The following SH3RF3 variants were observed in gnomAD, a reference collection of about 807,000 sequenced individuals.
SH3RF3 encodes SH3 domain containing ring finger 3, also known as E3 ubiquitin-protein ligase SH3RF3.
SH3RF3 carries 29 observed loss-of-function variants against 66.3 expected under a neutral mutation model. The ratio of observed to expected loss-of-function variants is 0.44; its 90% CI spans 0.33 to 0.60. The LOEUF (loss-of-function observed/expected upper bound fraction) is 0.60. SH3RF3 is among the 20% of genes least tolerant of loss of function. The pLI is 0.04. For synonymous variants in SH3RF3, 583 were observed against 532.0 expected, an observed-to-expected ratio of 1.10 and a Z score of -1.32; for missense variants, 1,194 against 1,190.9, an observed-to-expected ratio of 1.00 and a Z score of -0.04.
intron 1 of SH3RF3, among the ~76,000 whole-genome samples, chr2:109,180,122 T>G (rs2104980147): frequency 2.0e-5 from 3 of 152,044 alleles, no homozygotes; most frequent in Middle Eastern, 6.8e-3. Flanking sequence ...GGAGAAGTTT[T>G]TTTTTTTTTC....
intron 1 of SH3RF3, among the ~76,000 whole-genome samples, chr2:109,231,598 A>G (rs1362329863): frequency 6.6e-6 from 1 of 152,164 alleles, no homozygotes; most frequent in African/African-American, 2.4e-5. Context: ...CTTTCCACCT[A>G]CTAGTTAAGT....
rs546203003 is a variant in SH3RF3, at chr2:109,374,877, T to C, written c.945+3196T>C. ...ATCAGCGCAGCTCAGGCCATGATGC[T>C]AAGCCCACGGTGGACCTCACAAAGT... On this transcript the variant is annotated intron_variant, in intron 3 of 9. Transcript: ENST00000309415. Among the ~76,000 whole-genome samples the C allele has an allele frequency of 3.9e-5, 6 of 152,302 alleles. No individual in the cohort carries two copies. In the East Asian group the frequency reaches 1.2e-3, roughly 29 times the overall value.
chr2:109,246,434 G>A (rs13390045), intron 1 of SH3RF3, among the ~76,000 whole-genome samples: 5,847 of 152,172 alleles, frequency 0.038, 368 homozygotes, highest in African/African-American at 0.13. Context: ...CTCACGATCC[G>A]GTCACCTCCC....
At chr2:109,414,566 G>C (rs1340726040) in intron 4 of SH3RF3, among the ~76,000 whole-genome samples, 4 of 152,130 alleles carry the variant, frequency 2.6e-5, no homozygotes, top group African/African-American at 9.7e-5. Context: ...TCACACACCT[G>C]GGAGCTAAGG....
intron 5 of SH3RF3, among the ~76,000 whole-genome samples, chr2:109,425,998 A>C (rs965193754): frequency 6.6e-6 from 1 of 152,094 alleles, no homozygotes; most frequent in African/African-American, 2.4e-5. Flanking sequence ...CCTGGGTTCA[A>C]GCCATTCTCC....
intron 1 of SH3RF3, among the ~76,000 whole-genome samples, chr2:109,296,220 C>A (rs1313653586): frequency 2.0e-5 from 3 of 148,808 alleles, no homozygotes; most frequent in Non-Finnish European, 4.4e-5. Flanking sequence ...AACAGAATGA[C>A]CTAGTATTAT....
At chr2:109,331,976 T>C (rs1682297333) in intron 1 of SH3RF3, among the ~76,000 whole-genome samples, 1 of 152,190 alleles carries the variant, frequency 6.6e-6, no homozygotes, top group South Asian at 2.1e-4. Context: ...GTGCTGTGAC[T>C]GTCTGTGACT....
At chr2:109,159,377 A>G (rs903880942) in intron 1 of SH3RF3, among the ~76,000 whole-genome samples, 55 of 152,366 alleles carry the variant, frequency 3.6e-4, no homozygotes, top group East Asian at 1.9e-4. Context: ...GTATGCGTGC[A>G]GAAGGGACTT....
chr2:109,285,269 G>C (rs1681005746), intron 1 of SH3RF3, among the ~76,000 whole-genome samples: 1 of 152,252 alleles, frequency 6.6e-6, no homozygotes, highest in African/African-American at 2.4e-5. Flanking sequence ...GGGCAGGACA[G>C]CTTCCCCTTT....
At position 109,437,580 on chromosome 2, in the gene SH3RF3, C is replaced by T. The variant is rs189377689; in HGVS notation, c.1828+434C>T. The stretch of plus-strand genomic sequence containing the variant: ...ACGTGGGTCTTCCATCTGCCGGGCC[C>T]TGCAGGGCTTCCCAGCTAGGCGGCA... On this transcript the variant is annotated intron_variant, in intron 7 of 9. Transcript: ENST00000309415. 2.4e-3 allele frequency among the ~76,000 whole-genome samples: 364 copies of T among 152,348 alleles called. 1 individual carries two copies. Among genetic ancestry groups the T allele is most frequent in the African/African-American group, 8.2e-3 (340 of 41,578 alleles).
chr2:109,189,508 A>C (rs1678288816), intron 1 of SH3RF3, among the ~76,000 whole-genome samples: 1 of 151,722 alleles, frequency 6.6e-6, no homozygotes, highest in Non-Finnish European at 1.5e-5. Context: ...AGCTGGGATT[A>C]CAGGCACACA....
At chr2:109,462,730 G>A (rs1017086886) in intron 8 of SH3RF3, among the ~76,000 whole-genome samples, 10 of 152,322 alleles carry the variant, frequency 6.6e-5, no homozygotes, top group African/African-American at 1.9e-4. Context: ...TGCTGAGTAC[G>A]TCTAGGCTAA....
At chr2:109,245,486 A>G (rs1258387060) in intron 1 of SH3RF3, among the ~76,000 whole-genome samples, 1 of 152,114 alleles carries the variant, frequency 6.6e-6, no homozygotes, top group Admixed American at 6.5e-5. Context: ...TGAGTTGATT[A>G]TTTTCCTTTC....
At chr2:109,415,205 A>G (rs1426871550) in intron 4 of SH3RF3, among the ~76,000 whole-genome samples, 1 of 152,240 alleles carries the variant, frequency 6.6e-6, no homozygotes, top group Non-Finnish European at 1.5e-5. Context: ...CCTTGATTTT[A>G]GAACTTCTGA....
chr2:109,392,127 G>C (rs1676015165), intron 3 of SH3RF3, among the ~76,000 whole-genome samples: 1 of 152,186 alleles, frequency 6.6e-6, no homozygotes, highest in South Asian at 2.1e-4. Flanking sequence ...AAAAAGGCCT[G>C]ATTTTTAAAG....
intron 1 of SH3RF3, among the ~76,000 whole-genome samples, chr2:109,332,857 T>G (rs78529176): frequency 1.5e-3 from 232 of 152,352 alleles, no homozygotes; most frequent in Non-Finnish European, 2.6e-3. Flanking sequence ...CACAAAAGTG[T>G]TGAAGTGTTT....
intron 1 of SH3RF3, among the ~76,000 whole-genome samples, chr2:109,335,871 T>A (rs1682404151): frequency 1.3e-5 from 2 of 152,168 alleles, no homozygotes; most frequent in Admixed American, 6.5e-5. Flanking sequence ...TTAGAAAACT[T>A]GAAAGCATAA....
intron 1 of SH3RF3, among the ~76,000 whole-genome samples, chr2:109,216,222 C>T (rs1176310495): frequency 6.6e-6 from 1 of 152,188 alleles, no homozygotes; most frequent in African/African-American, 2.4e-5. Flanking sequence ...CTACTGTTGC[C>T]TCCCTGCCTG....
Position 109,430,775 on chromosome 2 carries a change from C to T in SH3RF3, c.1404-1726C>T, listed in dbSNP as rs578244483. ...CGTGGTGGGGTGGCGGGGTCCTCTC[C>T]TGATGATTTTGTGTATCCTCCTGAA... On this transcript the variant is annotated intron_variant, in intron 5 of 9. Transcript: ENST00000309415. Among the ~76,000 whole-genome samples the T allele has an allele frequency of 2.0e-5, 3 of 152,248 alleles. No homozygotes were observed. In the South Asian group the frequency reaches 6.2e-4, roughly 32 times the overall value.
Sources: allele counts gnomAD v4.1 joint callset (sites outside exome capture counted in the v4.1 genomes callset), GRCh38; gene constraint gnomAD v4.1.1; transcripts MANE v1.5; gene names NCBI Gene and HGNC (gene_info 2026-07-23, HGNC 2026-07-21).